The following DHX15 variants were observed in gnomAD, a reference collection of about 807,000 sequenced individuals.
The protein encoded by DHX15 is DEAH-box helicase 15.
In DHX15, 11 loss-of-function variants were observed where a neutral mutation model predicts 94.4. The observed-to-expected ratio is 0.12, with a 90% CI of 0.07 to 0.19. The LOEUF is 0.19. DHX15 is among the 10% of genes least tolerant of loss of function. The pLI is 1.00. For missense variants in DHX15, 304 were observed against 988.5 expected (o/e 0.31, Z 9.29); for synonymous variants, 338 against 329.9 (o/e 1.02, Z -0.27).
Position 24,575,156 on chromosome 4 carries a change from T to C in DHX15, c.507+1087A>G, listed in dbSNP as rs542647285. ...ACTGTCTCAACAACAACACAAAAATTAAAAAAAAAAAAAAGAAAAGAAAAG... is the reference window on the plus strand; with the variant it reads ...ACTGTCTCAACAACAACACAAAAATCAAAAAAAAAAAAAAGAAAAGAAAAG... On this transcript the variant is annotated intron_variant, in intron 2 of 13. Coordinates refer to ENST00000336812, the MANE Select transcript of DHX15 (RefSeq NM_001358.3). Among the ~76,000 whole-genome samples, 5 of 130,576 alleles carry C rather than the reference T, an allele frequency of 3.8e-5. No individual in the cohort carries two copies. In the South Asian group the frequency reaches 1.2e-3, roughly 32 times the overall value. The allele number at this position is 130,576 out of a possible 152,430, so 85.7% of individuals were successfully genotyped here.
intron 5 of DHX15, 89 bp from the exon 6 acceptor site, chr4:24,549,111 A>G: frequency 9.1e-7 from 1 of 1,093,956 alleles, no homozygotes; most frequent in Non-Finnish European, 1.2e-6. Context: ...TGTTTTATGT[A>G]TGCCATCTTC....
At chr4:24,536,283 A>ATT (rs1198912761) in intron 11 of DHX15, among the ~76,000 whole-genome samples, 1 of 150,258 alleles carries the variant, frequency 6.7e-6, no homozygotes, top group African/African-American at 2.4e-5. Context: ...TAGGTAGCCA[A>ATT]TTTTTTTTTT....
chr4:24,548,504 A>C (rs1418861819), intron 6 of DHX15, among the ~76,000 whole-genome samples: 1 of 152,216 alleles, frequency 6.6e-6, no homozygotes, highest in Admixed American at 6.5e-5. Flanking sequence ...TATAGACATT[A>C]CATTTGGGAA....
Position 24,544,321 on chromosome 4 carries a change from A to G in DHX15, c.1249-1295T>C, listed in dbSNP as rs539358269. Among the ~76,000 whole-genome samples the G allele has an allele frequency of 3.3e-5, 5 of 152,352 alleles. No individual in the cohort carries two copies. The East Asian group carries it at 5.8e-4, about 18-fold the overall frequency. ...TGATTTCATATTTACTAAGTAGTAG[A>G]CTTCCCAAAATACTAACAGGAAACC... On this transcript the variant is annotated intron_variant, in intron 6 of 13. Transcript: ENST00000336812.
At chr4:24,553,148 C>T (rs1054801504) in intron 5 of DHX15, among the ~76,000 whole-genome samples, 2 of 151,932 alleles carry the variant, frequency 1.3e-5, no homozygotes, top group Non-Finnish European at 2.9e-5. Context: ...CACGGAGAAA[C>T]CCCATCTCTA....
At chr4:24,558,876 T>C (rs1721801751) in intron 3 of DHX15, among the ~76,000 whole-genome samples, 1 of 152,152 alleles carries the variant, frequency 6.6e-6, no homozygotes, top group African/African-American at 2.4e-5. Flanking sequence ...ATCACTGTAC[T>C]GATTCCCAGT....
chr4:24,529,913 A>G, intron 12 of DHX15, 143 bp from the exon 13 acceptor site: 2 of 857,802 alleles, frequency 2.3e-6, no homozygotes, highest in Non-Finnish European at 3.7e-6. Flanking sequence ...TGATAAAAGC[A>G]GAGATAAGCA....
chr4:24,548,796 G>C (rs910846842), intron 6 of DHX15, 59 bp downstream of exon 6: 3 of 1,505,674 alleles, frequency 2.0e-6, no homozygotes, highest in Non-Finnish European at 1.8e-6. Context: ...ACTGAATACA[G>C]TTTATATCTC....
chr4:24,548,140 CTTTTTT>C (rs71196189), intron 6 of DHX15, among the ~76,000 whole-genome samples: 2 of 108,176 alleles, frequency 1.8e-5, no homozygotes, highest in African/African-American at 3.6e-5. Flanking sequence ...ATCAGTGCTA[CTTTTTT>C]TTTTTTTTTT....
chr4:24,559,876 A>G (rs1434237225), intron 3 of DHX15, among the ~76,000 whole-genome samples: 3 of 152,232 alleles, frequency 2.0e-5, no homozygotes, highest in South Asian at 2.1e-4. Context: ...GATGATTGCT[A>G]AAGTTTAAGA....
At position 24,537,241 on chromosome 4, in the gene DHX15, G is replaced by A; in HGVS notation, c.1787-68C>T. ...ATGAGTCACGCATTCACAGATAGAG[G>A]AACAAGGCCTAGCTAGGTCAGTTCA... On this transcript the variant is annotated intron_variant, in intron 10 of 13. Transcript: ENST00000336812. The surrounding 1 kb of genome is among the most constrained non-coding windows in gnomAD (Gnocchi z 4.7). The A allele has an allele frequency of 6.2e-7, 1 of 1,601,184 alleles. No homozygotes were observed. The highest frequency in any genetic ancestry group is 8.5e-7 in the Non-Finnish European group (1 of 1,172,798).
intron 12 of DHX15, among the ~76,000 whole-genome samples, chr4:24,532,260 CT>C (rs1721100827): frequency 6.6e-6 from 1 of 152,202 alleles, no homozygotes; most frequent in Non-Finnish European, 1.5e-5. Flanking sequence ...TATGTTTCAT[CT>C]TTATTGCTAC....
In DHX15 at chr4:24,528,052, G is replaced by T. The variant is rs771118023; in HGVS notation, c.2271-11C>A. 1.2e-5 allele frequency: 19 copies of T among 1,597,946 alleles called. No individual in the cohort carries two copies. The highest frequency in any genetic ancestry group is 1.6e-5 in the Non-Finnish European group (19 of 1,165,650). ...GCAATTTTCACCAACCTGTTTAGAA[G>T]TGGGCAGAAAAATTTCCAAATTAAC... is the stretch of plus-strand genomic sequence containing the variant. On this transcript the variant is annotated splice_polypyrimidine_tract_variant and intron_variant, in intron 13 of 13. Transcript: ENST00000336812.
chr4:24,565,715 T>TA (rs1721977879), intron 3 of DHX15, among the ~76,000 whole-genome samples: 1 of 152,060 alleles, frequency 6.6e-6, no homozygotes, highest in African/African-American at 2.4e-5. Context: ...GTTAACTGGT[T>TA]AAAAAGATCC....
chr4:24,567,724 A>C (rs1577347767), intron 3 of DHX15, among the ~76,000 whole-genome samples: 1 of 152,334 alleles, frequency 6.6e-6, no homozygotes, highest in Middle Eastern at 3.4e-3. Flanking sequence ...ATACAGCAAT[A>C]TATTGTTCCC....
At chr4:24,581,934 A>AG (rs1722425585) in intron 1 of DHX15, among the ~76,000 whole-genome samples, 1 of 152,244 alleles carries the variant, frequency 6.6e-6, no homozygotes, top group Admixed American at 6.5e-5. Flanking sequence ...AGCCTTATAT[A>AG]GTTTGGGAGC....
At position 24,554,713 on chromosome 4, in the gene DHX15, T is replaced by C. The variant is rs779645297; in HGVS notation, c.1080+12A>G. On this transcript the variant is annotated intron_variant, in intron 5 of 13. Transcript: ENST00000336812. ...GTCAAAAGCTAAATAATGAAGAAAA[T>C]TAAAACAATACCTCTTGACCAGTTA... The C allele has an allele frequency of 3.7e-6, 6 of 1,603,494 alleles. No individual in the cohort carries two copies. Among genetic ancestry groups the C allele is most frequent in the South Asian group, 1.1e-5 (1 of 90,106 alleles).
chr4:24,527,858 C>T lies in DHX15; in HGVS notation c.*66G>A, dbSNP rs372088617. ...TCGAACCAACGTGAAGAGCACAACTCGAACTTTTGAGTTCATTCATCTTTT... is the reference window on the plus strand; with the variant it reads ...TCGAACCAACGTGAAGAGCACAACTTGAACTTTTGAGTTCATTCATCTTTT... On this transcript the variant is annotated 3_prime_UTR_variant, in exon 14 of 14. Coordinates refer to ENST00000336812, the MANE Select transcript of DHX15 (RefSeq NM_001358.3). 1.9e-5 allele frequency: 22 copies of T among 1,182,624 alleles called. No homozygotes were observed. Among genetic ancestry groups the T allele is most frequent in the South Asian group, 7.6e-5 (6 of 78,616 alleles). The allele number at this position is 1,182,624 out of a possible 1,614,324, so 73.3% of individuals were successfully genotyped here.
At chr4:24,539,885 G>GAGCCA (rs1167524022) in intron 10 of DHX15, 1 of 344,918 alleles carries the variant, frequency 2.9e-6, no homozygotes, top group Non-Finnish European at 5.2e-6. Context: ...GCACTCAAGA[G>GAGCCA]AGCCAATGCT....
Sources: gnomAD v4.1 joint callset for allele counts (sites outside exome capture counted in the v4.1 genomes callset) on GRCh38, gnomAD v4.1.1 for gene constraint, Gnocchi (gnomAD v3.1) non-coding constraint, MANE v1.5 for transcripts, NCBI Gene and HGNC (gene_info 2026-07-23, HGNC 2026-07-21) for gene names.